PTGFRN: variants seen among roughly 807,000 people sequenced by gnomAD.
PTGFRN encodes the protein prostaglandin F2 receptor negative regulator.
PTGFRN carries 35 observed loss-of-function variants against 83.2 expected under a neutral mutation model. That is an observed-to-expected ratio of 0.42 (90% CI 0.32 to 0.56). The LOEUF (loss-of-function observed/expected upper bound fraction) is 0.56, where lower values mean the gene tolerates loss of function less well. Ranked by LOEUF, PTGFRN falls within the 20% of genes least tolerant of loss-of-function variation. PTGFRN has a pLI of 0.11. For synonymous variants in PTGFRN, 519 were observed against 498.6 expected (o/e 1.04, Z -0.55); for missense variants, 1,051 against 1,179.5 (o/e 0.89, Z 1.60).
chr1:116,979,671 T>G (rs892053248), intron 7 of PTGFRN, among the ~76,000 whole-genome samples: 3 of 152,204 alleles, frequency 2.0e-5, no homozygotes, highest in African/African-American at 7.2e-5. Flanking sequence ...TAGCCATATG[T>G]AGAAAGCTGA....
At chr1:116,916,825 T>C (rs1014390662) in intron 1 of PTGFRN, among the ~76,000 whole-genome samples, 1 of 152,168 alleles carries the variant, frequency 6.6e-6, no homozygotes, top group Non-Finnish European at 1.5e-5. Context: ...ACGCCGGGCA[T>C]TGTTCTGAGG....
rs1449987591 is a variant in PTGFRN at position 116,987,392 on chromosome 1, G to A, written c.*425G>A. On this transcript the variant is annotated 3_prime_UTR_variant, in exon 9 of 9. Transcript: ENST00000393203. ...CGCCTGAGAGCCAGCTTCCGCGTTG[G>A]AGGCACGTGTTCAGAGAGCTGCTGA... 1 of 201,568 alleles carries A rather than the reference G, an allele frequency of 5.0e-6. No homozygotes were observed. The highest frequency in any genetic ancestry group is 1.0e-5 in the Non-Finnish European group (1 of 98,522). The allele number at this position is 201,568 out of a possible 1,614,324, so 12.5% of individuals were successfully genotyped here.
intron 7 of PTGFRN, among the ~76,000 whole-genome samples, chr1:116,982,070 G>A (rs1041362621): frequency 1.3e-5 from 2 of 152,200 alleles, no homozygotes; most frequent in Non-Finnish European, 2.9e-5. Context: ...ACAGAAAGCA[G>A]AATTCCGAAG....
At chr1:116,912,951 C>G (rs1386491457) in intron 1 of PTGFRN, among the ~76,000 whole-genome samples, 1 of 152,214 alleles carries the variant, frequency 6.6e-6, no homozygotes, top group Non-Finnish European at 1.5e-5. Flanking sequence ...CCAGAACCCA[C>G]CCAGCCACAT....
intron 6 of PTGFRN, among the ~76,000 whole-genome samples, 171 bp downstream of exon 6, chr1:116,967,501 G>A (rs1650875271): frequency 2.0e-5 from 3 of 152,132 alleles, no homozygotes; most frequent in Admixed American, 2.0e-4. Context: ...ACAAAGTTGT[G>A]TGATCATCAC....
At chr1:116,939,831 C>G (rs1252288623) in intron 1 of PTGFRN, among the ~76,000 whole-genome samples, 1 of 152,158 alleles carries the variant, frequency 6.6e-6, no homozygotes, top group Non-Finnish European at 1.5e-5. Context: ...ATTTCTTCCA[C>G]CAGATACCCT....
At chr1:116,981,106 T>G (rs2101090434) in intron 7 of PTGFRN, among the ~76,000 whole-genome samples, 1 of 152,332 alleles carries the variant, frequency 6.6e-6, no homozygotes, top group Non-Finnish European at 1.5e-5. Context: ...CCCATCAGTC[T>G]TACTCCTTTT....
intron 1 of PTGFRN, among the ~76,000 whole-genome samples, chr1:116,938,763 T>G (rs545986369): frequency 1.8e-4 from 28 of 152,316 alleles, no homozygotes; most frequent in African/African-American, 6.5e-4. Context: ...CAAAGTCTCA[T>G]TTGAGACAAG....
intron 8 of PTGFRN, among the ~76,000 whole-genome samples, chr1:116,985,722 G>A (rs10923190): frequency 0.25 from 33,475 of 134,038 alleles, 4,013 homozygotes; most frequent in East Asian, 0.49. Context: ...AAAAAAAAAA[G>A]AGACTCCTTC....
Position 116,910,182 on chromosome 1 carries a change from G to A in PTGFRN, c.-22G>A. 6.7e-7 allele frequency: 1 copy of A among 1,500,656 alleles called. No individual in the cohort carries two copies. The highest frequency in any genetic ancestry group is 2.6e-5 in the East Asian group (1 of 38,340). 93.0% of individuals were successfully genotyped at this position (1,500,656 alleles called of 1,614,324 possible). A position where few individuals can be genotyped will look rare whatever the true frequency, so the allele number is the denominator to read the frequency against. ...CGGCGGGGAAGGAGGAGGAGGGGGA[G>A]AGTCGCTCCCGCCGGGCGAGCATGG... On this transcript the variant is annotated 5_prime_UTR_variant, in exon 1 of 9. Coordinates refer to ENST00000393203, the MANE Select transcript of PTGFRN (RefSeq NM_020440.4).
chr1:116,910,117 T>C lies in PTGFRN; in HGVS notation c.-87T>C. The C allele has an allele frequency of 1.4e-6, 2 of 1,426,844 alleles. No homozygotes were observed. Among genetic ancestry groups the C allele is most frequent in the Non-Finnish European group, 1.9e-6 (2 of 1,057,564 alleles). The allele number at this position is 1,426,844 out of a possible 1,614,324, so 88.4% of individuals were successfully genotyped here. A position where few individuals can be genotyped will look rare whatever the true frequency, so the allele number is the denominator to read the frequency against. On this transcript the variant is annotated 5_prime_UTR_variant, in exon 1 of 9. Coordinates refer to ENST00000393203, the MANE Select transcript of PTGFRN (RefSeq NM_020440.4). ...GCGGCCCAGGCGGAGGAGCGCCGAC[T>C]CTGGAGCAGCCGGAGCTGGAAGAGG...
At chr1:116,985,982 C>T (rs1006849894) in intron 8 of PTGFRN, among the ~76,000 whole-genome samples, 7 of 152,170 alleles carry the variant, frequency 4.6e-5, no homozygotes, top group Non-Finnish European at 7.3e-5. Flanking sequence ...CAGGGGCCTC[C>T]GAGGATGAGT....
chr1:116,978,371 A>G (rs1160259340), intron 7 of PTGFRN, among the ~76,000 whole-genome samples: 1 of 152,210 alleles, frequency 6.6e-6, no homozygotes, highest in Non-Finnish European at 1.5e-5. Context: ...AACTCATTTT[A>G]TGAGGCCAGC....
At chr1:116,943,869 G>T (rs533962437) in intron 2 of PTGFRN, among the ~76,000 whole-genome samples, 40 of 152,280 alleles carry the variant, frequency 2.6e-4, no homozygotes, top group African/African-American at 9.4e-4. Flanking sequence ...TAGTGGTGTT[G>T]GAGGGTCCTC....
chr1:116,926,073 G>A (rs1557959042), intron 1 of PTGFRN, among the ~76,000 whole-genome samples: 1 of 152,134 alleles, frequency 6.6e-6, no homozygotes, highest in Admixed American at 6.5e-5. Flanking sequence ...CAGGCTTAAA[G>A]TGTTGTTGGG....
At chr1:116,936,932 AAAC>A (rs1487048302) in intron 1 of PTGFRN, among the ~76,000 whole-genome samples, 1 of 152,240 alleles carries the variant, frequency 6.6e-6, no homozygotes, top group Non-Finnish European at 1.5e-5. Flanking sequence ...AAGAAAAAGA[AAAC>A]AAATAATAGT....
intron 4 of PTGFRN, among the ~76,000 whole-genome samples, chr1:116,960,151 G>T (rs538272587): frequency 2.6e-5 from 4 of 152,188 alleles, no homozygotes; most frequent in Non-Finnish European, 5.9e-5. Flanking sequence ...TGCATAGATG[G>T]CTTATGGGAG....
chr1:116,977,265 T>A (rs2101087571), intron 7 of PTGFRN, among the ~76,000 whole-genome samples: 1 of 152,092 alleles, frequency 6.6e-6, no homozygotes, highest in Non-Finnish European at 1.5e-5. Context: ...CTCCACACAA[T>A]AATAATGGGA....
rs532026914 is a variant in PTGFRN at position 116,952,399 on chromosome 1, A to T, written c.1213+2827A>T. 6.6e-6 allele frequency among the ~76,000 whole-genome samples: 1 copy of T among 152,298 alleles called. No homozygotes were observed. Among genetic ancestry groups the T allele is most frequent in the East Asian group, 1.9e-4 (1 of 5,186 alleles). ...AGCACTTGCAGCCACTGAGAGGATC[A>T]TGATAATGTTTTAGATGTTGAGAAA... On this transcript the variant is annotated intron_variant, in intron 4 of 8. Transcript: ENST00000393203. This position sits in a 1 kb window ranked among gnomAD's most constrained non-coding sequence, Gnocchi z 4.0.
Sources: allele counts gnomAD v4.1 joint callset (sites outside exome capture counted in the v4.1 genomes callset), GRCh38; gene constraint gnomAD v4.1.1; non-coding constraint Gnocchi (gnomAD v3.1); transcripts MANE v1.5; gene names NCBI Gene and HGNC (gene_info 2026-07-23, HGNC 2026-07-21).